The following ZNF782 variants were observed in gnomAD, a reference collection of about 807,000 sequenced individuals.
ZNF782 encodes the protein zinc finger protein 782.
ZNF782 carries 12 observed loss-of-function variants against 13.0 expected under a neutral mutation model. The observed-to-expected ratio is 0.92, with a 90% CI of 0.59 to 1.50. The LOEUF (loss-of-function observed/expected upper bound fraction) is 1.50. ZNF782 is among the 40% of genes most tolerant of loss of function. The probability of loss-of-function intolerance (pLI) is 0.00; values close to 1 mark genes in which losing one functional copy is unlikely to be tolerated. For synonymous variants in ZNF782, 284 were observed against 283.0 expected (o/e 1.00, Z -0.04); for missense variants, 770 against 822.9 (o/e 0.94, Z 0.79).
In ZNF782 at chr9:96,824,215, T is replaced by G. The variant is rs111918765; in HGVS notation, c.244+2865A>C. On this transcript the variant is annotated intron_variant, in intron 5 of 5. Transcript: ENST00000481138. ...AAAAAGCTTATCCACCATGATCAAGTGGGCTTCATCCCTGGGATGCAAGGC... is the reference window on the plus strand; with the variant it reads ...AAAAAGCTTATCCACCATGATCAAGGGGGCTTCATCCCTGGGATGCAAGGC... 2.1e-3 allele frequency among the ~76,000 whole-genome samples: 310 copies of G among 150,894 alleles called. 3 individuals are homozygous for G. Among genetic ancestry groups the G allele is most frequent in the African/African-American group, 7.0e-3 (287 of 40,950 alleles).
intron 1 of ZNF782, among the ~76,000 whole-genome samples, chr9:96,865,217 G>A (rs188512768): frequency 3.9e-5 from 6 of 152,240 alleles, no homozygotes; most frequent in Non-Finnish European, 8.8e-5. Context: ...TTTCCAACTC[G>A]GGAGAAACAT....
At chr9:96,838,657 T>C (rs761730923) in intron 4 of ZNF782, among the ~76,000 whole-genome samples, 2 of 152,290 alleles carry the variant, frequency 1.3e-5, no homozygotes, top group Non-Finnish European at 2.9e-5. Flanking sequence ...AAGTCTGCTT[T>C]GTCTGAAATT....
At chr9:96,910,075 C>G in the ZNF782 span, 8 of 601,950 alleles carry the variant, frequency 1.3e-5, no homozygotes, top group Non-Finnish European at 2.6e-5. Flanking sequence ...CGTGCCCCAC[C>G]ATGTCAGATG....
the ZNF782 span, among the ~76,000 whole-genome samples, chr9:96,926,107 G>C: frequency 7.7e-6 from 1 of 129,250 alleles, no homozygotes; most frequent in South Asian, 2.8e-4. Flanking sequence ...ATTGAAACAA[G>C]ACACTTCCAC....
chr9:96,922,719 A>T, the ZNF782 span, among the ~76,000 whole-genome samples: 1 of 151,670 alleles, frequency 6.6e-6, no homozygotes, highest in South Asian at 2.1e-4. Context: ...GTTTGCAGTG[A>T]GCCGAGATCA....
At chr9:96,917,705 C>T in the ZNF782 span, among the ~76,000 whole-genome samples, 1 of 151,630 alleles carries the variant, frequency 6.6e-6, no homozygotes, top group Admixed American at 6.6e-5. Context: ...GCTGGGATCA[C>T]AAGCATGAGC....
chr9:96,856,237 C>T (rs9785229), upstream of ZNF782, among the ~76,000 whole-genome samples: 4,445 of 152,160 alleles, frequency 0.029, 231 homozygotes, highest in African/African-American at 0.1. Flanking sequence ...AGGTGAGCTG[C>T]GAGGTGTTGT....
chr9:96,831,056 T>C (rs1850782881), intron 4 of ZNF782, among the ~76,000 whole-genome samples: 1 of 152,052 alleles, frequency 6.6e-6, no homozygotes, highest in Non-Finnish European at 1.5e-5. Context: ...TGTGAGACTA[T>C]AACATAATAT....
intron 3 of ZNF782, among the ~76,000 whole-genome samples, chr9:96,847,997 G>GC (rs1851386282): frequency 6.6e-6 from 1 of 152,218 alleles, no homozygotes. Context: ...CCTCAGGGAT[G>GC]CAGGGATGGT....
At chr9:96,836,315 C>T (rs1479706543) in intron 4 of ZNF782, among the ~76,000 whole-genome samples, 4 of 151,540 alleles carry the variant, frequency 2.6e-5, no homozygotes, top group East Asian at 1.9e-4. Flanking sequence ...CGGATTCAAG[C>T]GCTTCTCCTG....
chr9:96,894,113 T>G, the ZNF782 span: 1 of 151,790 alleles, frequency 6.6e-6, no homozygotes, highest in African/African-American at 2.4e-5. Context: ...AAACACCGCA[T>G]GTTCTCACTC....
the ZNF782 span, among the ~76,000 whole-genome samples, chr9:96,926,640 C>T: frequency 6.6e-6 from 1 of 151,780 alleles, no homozygotes; most frequent in Admixed American, 6.6e-5. Context: ...TGGGACAAAA[C>T]CGAGAACTCA....
At chr9:96,900,078 C>T in the ZNF782 span, among the ~76,000 whole-genome samples, 490 of 152,118 alleles carry the variant, frequency 3.2e-3, 2 homozygotes, top group Non-Finnish European at 6.0e-3. Context: ...GGATTACAGG[C>T]GTGAGCCATT....
chr9:96,883,009 G>A, the ZNF782 span, among the ~76,000 whole-genome samples: 1 of 134,544 alleles, frequency 7.4e-6, no homozygotes, highest in Non-Finnish European at 1.5e-5. Context: ...GCTGTCATGA[G>A]AAGAATGGAC....
intron 5 of ZNF782, among the ~76,000 whole-genome samples, chr9:96,821,539 A>G (rs1421217081): frequency 6.6e-6 from 1 of 152,178 alleles, no homozygotes; most frequent in African/African-American, 2.4e-5. Context: ...TAGTACTCAT[A>G]TATCTGACAC....
upstream of ZNF782, among the ~76,000 whole-genome samples, chr9:96,878,924 G>T (rs1335727820): frequency 6.6e-6 from 1 of 152,136 alleles, no homozygotes. Context: ...ACACCAGATA[G>T]CAAGCATTTT....
the ZNF782 span, among the ~76,000 whole-genome samples, chr9:96,903,387 G>A: frequency 0.011 from 1,665 of 151,472 alleles, 17 homozygotes; most frequent in Non-Finnish European, 0.018. Context: ...TTTTTTGCCG[G>A]GTAGTCTTCC....
rs146271619 is a variant in ZNF782, at chr9:96,835,858, T to C, written c.143-8677A>G. Among the ~76,000 whole-genome samples, 215 of 152,282 alleles carry C rather than the reference T, an allele frequency of 1.4e-3. 1 individual carries two copies. The East Asian group carries it at 0.03, about 21-fold the overall frequency. On this transcript the variant is annotated intron_variant, in intron 4 of 5. Transcript: ENST00000481138. The stretch of plus-strand genomic sequence containing the variant: ...CTGCTAGGGCAAGGCCAAGCAAAAA[T>C]TTGGGTTAGGTCTACTGCAGAGTCT...
the ZNF782 span, among the ~76,000 whole-genome samples, chr9:96,897,420 A>C: frequency 1.3e-5 from 2 of 152,178 alleles, no homozygotes; most frequent in Non-Finnish European, 2.9e-5. Context: ...TTGCAGGAGA[A>C]TGGGTGCTCA....
Sources: allele counts gnomAD v4.1 joint callset (sites outside exome capture counted in the v4.1 genomes callset), GRCh38; gene constraint gnomAD v4.1.1; transcripts MANE v1.5; gene names NCBI Gene and HGNC (gene_info 2026-07-23, HGNC 2026-07-21).